The following EEA1 variants were observed in gnomAD, a reference collection of about 807,000 sequenced individuals.
EEA1 encodes early endosome antigen 1.
EEA1 carries 111 observed loss-of-function variants against 209.2 expected under a neutral mutation model. The ratio of observed to expected loss-of-function variants is 0.53; its 90% CI spans 0.45 to 0.62. The LOEUF (loss-of-function observed/expected upper bound fraction) is 0.62. EEA1 is among the 20% of genes least tolerant of loss of function. The pLI is 0.00. For synonymous variants in EEA1, 536 were observed against 540.6 expected (o/e 0.99, Z 0.12); for missense variants, 1,343 against 1,530.8 (o/e 0.88, Z 2.05).
In EEA1 at chr12:92,834,068, TG is replaced by T. The variant is rs1037314537; in HGVS notation, c.916-1219del. ...AAGGAAAAGGCAAACAAGTTTCAGG[TG>T]GGGTGACAGCAAAACCCTATTATTT... On this transcript the variant is annotated intron_variant, in intron 10 of 28. Transcript: ENST00000322349. 5.3e-5 allele frequency among the ~76,000 whole-genome samples: 8 copies of T among 152,128 alleles called. No homozygotes were observed. The East Asian group carries it at 1.2e-3, about 22-fold the overall frequency.
chr12:92,873,339 C>T (rs991749446), intron 2 of EEA1, among the ~76,000 whole-genome samples: 1 of 151,984 alleles, frequency 6.6e-6, no homozygotes, highest in African/African-American at 2.4e-5. Context: ...AATTAAAAAC[C>T]TAGATTACTC....
chr12:92,824,016 G>A (rs748505821), intron 13 of EEA1, among the ~76,000 whole-genome samples: 1 of 151,852 alleles, frequency 6.6e-6, no homozygotes, highest in East Asian at 1.9e-4. Flanking sequence ...ATTCTCTCTT[G>A]AACCCCCTCC....
intron 13 of EEA1, among the ~76,000 whole-genome samples, chr12:92,823,502 TTAAAA>T (rs914692244): frequency 1.3e-5 from 2 of 152,242 alleles, no homozygotes; most frequent in African/African-American, 4.8e-5. Flanking sequence ...ATTGTCACTT[TTAAAA>T]AGTTTTCCAT....
At chr12:92,796,512 T>G (rs1169677932) in intron 21 of EEA1, among the ~76,000 whole-genome samples, 2 of 151,958 alleles carry the variant, frequency 1.3e-5, no homozygotes, top group Non-Finnish European at 2.9e-5. Context: ...ACCTTCAATG[T>G]GGAAAACTAT....
At chr12:92,909,172 A>T (rs1409353219) in intron 1 of EEA1, among the ~76,000 whole-genome samples, 2 of 152,214 alleles carry the variant, frequency 1.3e-5, no homozygotes, top group Non-Finnish European at 2.9e-5. Flanking sequence ...CCAAAAGCAA[A>T]GCGCACCCTA....
chr12:92,912,051 T>C (rs1592774527), intron 1 of EEA1, among the ~76,000 whole-genome samples: 2 of 152,230 alleles, frequency 1.3e-5, no homozygotes, highest in Admixed American at 6.5e-5. Context: ...AGTTAATATA[T>C]GTAGAAGCAA....
rs189314733 is a variant in EEA1, at chr12:92,901,108, G to T, written c.25-9387C>A. On this transcript the variant is annotated intron_variant, in intron 1 of 28. Transcript: ENST00000322349. ...GGAAACAGGAAGTTATACTTCCAAAGAACTGTATTTTCCTCATTTCTGTTT... is the reference window on the plus strand; with the variant it reads ...GGAAACAGGAAGTTATACTTCCAAATAACTGTATTTTCCTCATTTCTGTTT... 4.4e-3 allele frequency among the ~76,000 whole-genome samples: 665 copies of T among 152,304 alleles called. 3 individuals carry two copies. The highest frequency in any genetic ancestry group is 8.1e-3 in the Non-Finnish European group (548 of 68,012).
At chr12:92,850,069 G>A (rs572660346) in intron 9 of EEA1, among the ~76,000 whole-genome samples, 1 of 152,272 alleles carries the variant, frequency 6.6e-6, no homozygotes, top group South Asian at 2.1e-4. Flanking sequence ...GTCATGTCAT[G>A]TAAGAAATAG....
At position 92,801,714 on chromosome 12, in the gene EEA1, GA is replaced by G; in HGVS notation, c.2671-14del. On this transcript the variant is annotated splice_polypyrimidine_tract_variant and intron_variant, in intron 19 of 28. Transcript: ENST00000322349. ...TGCAAGTTTTTTCCTTAAAAAAAAT[GA>G]AAACTATATTACATAAAAAATATTT... is the stretch of plus-strand genomic sequence containing the variant. 6.6e-7 allele frequency: 1 copy of G among 1,518,100 alleles called. No individual in the cohort carries two copies. Among genetic ancestry groups the G allele is most frequent in the Non-Finnish European group, 8.9e-7 (1 of 1,124,298 alleles). The allele number at this position is 1,518,100 out of a possible 1,614,324, so 94.0% of individuals were successfully genotyped here.
intron 2 of EEA1, among the ~76,000 whole-genome samples, chr12:92,865,782 G>A (rs552865689): frequency 1.3e-3 from 197 of 150,342 alleles, no homozygotes; most frequent in Non-Finnish European, 1.9e-3. Flanking sequence ...GTCTCGCTCC[G>A]TCACCCAGGC....
intron 1 of EEA1, among the ~76,000 whole-genome samples, chr12:92,892,295 T>G (rs1228000182): frequency 6.6e-6 from 1 of 152,112 alleles, no homozygotes; most frequent in Non-Finnish European, 1.5e-5. Flanking sequence ...TTTCACCATG[T>G]TGCCCAAGAT....
intron 1 of EEA1, among the ~76,000 whole-genome samples, chr12:92,896,351 G>A (rs1879886679): frequency 6.6e-6 from 1 of 152,148 alleles, no homozygotes; most frequent in African/African-American, 2.4e-5. Context: ...GGTTCCTTGA[G>A]ATGAAATCTG....
At chr12:92,829,093 A>G (rs1204530799) in intron 11 of EEA1, among the ~76,000 whole-genome samples, 1 of 152,212 alleles carries the variant, frequency 6.6e-6, no homozygotes, top group Non-Finnish European at 1.5e-5. Context: ...AAAGGTAGGT[A>G]CTGTCTCTTA....
intron 14 of EEA1, among the ~76,000 whole-genome samples, chr12:92,817,958 T>C (rs1203528232): frequency 6.6e-6 from 1 of 152,210 alleles, no homozygotes; most frequent in African/African-American, 2.4e-5. Flanking sequence ...TCTGATTGGC[T>C]GGAACCTGAA....
chr12:92,921,994 TC>T (rs1881028910), intron 1 of EEA1, among the ~76,000 whole-genome samples: 2 of 152,144 alleles, frequency 1.3e-5, no homozygotes, highest in African/African-American at 4.8e-5. Context: ...CTGTTTCTAT[TC>T]CCTTACTTCC....
intron 25 of EEA1, 102 bp downstream of exon 25, chr12:92,779,013 T>C: frequency 9.6e-7 from 1 of 1,038,344 alleles, no homozygotes; most frequent in Non-Finnish European, 1.3e-6. Flanking sequence ...ACTAAAATGT[T>C]AGGAAAGCAT....
chr12:92,828,418 T>C (rs779884286), intron 11 of EEA1, among the ~76,000 whole-genome samples: 24 of 152,054 alleles, frequency 1.6e-4, no homozygotes, highest in Non-Finnish European at 2.4e-4. Flanking sequence ...CACACTCAGA[T>C]CTATTTTACA....
intron 2 of EEA1, among the ~76,000 whole-genome samples, chr12:92,868,037 T>C (rs769889998): frequency 1.3e-4 from 20 of 152,198 alleles, no homozygotes; most frequent in Non-Finnish European, 1.5e-5. Context: ...AGGTGTGTTC[T>C]GATCACAGAG....
In EEA1 at chr12:92,776,079, C is replaced by T. The variant is rs1873646650; in HGVS notation, c.4168G>A (p.Ala1390Thr). ...GGCTTCTTGGAGGAAGGAGTTAAGG[C>T]ATTTTTGGCTGAACATTCAGCACAG... ...IFCAECSAKN[A>T]LTPSSKKPVR... The change falls in exon 29 of 29, where the codon GCC (alanine) becomes ACC (threonine). Residue 1390 changes from alanine (A) to threonine (T), a missense_variant. Physicochemically the swap from Ala to Thr is moderately conservative, Grantham distance 58. This residue lies in a region of EEA1 where 28 missense variants were observed against 37.7 expected (regional missense o/e 0.74). Transcript: ENST00000322349. The T allele has an allele frequency of 6.2e-7, 1 of 1,611,232 alleles. No individual in the cohort carries two copies. Among genetic ancestry groups the T allele is most frequent in the Non-Finnish European group, 8.5e-7 (1 of 1,178,316 alleles).
Sources: allele counts gnomAD v4.1 joint callset (sites outside exome capture counted in the v4.1 genomes callset), GRCh38; gene constraint gnomAD v4.1.1; regional missense constraint gnomAD v4.1.1; transcripts MANE v1.5; gene names NCBI Gene and HGNC (gene_info 2026-07-23, HGNC 2026-07-21).